ELAPOR2: variants seen among roughly 807,000 people sequenced by gnomAD.
The protein encoded by ELAPOR2 is endosome/lysosome-associated apoptosis and autophagy regulator family member 2.
Under a neutral mutation model 120.7 loss-of-function variants are expected in ELAPOR2, and 89 were observed. The ratio of observed to expected loss-of-function variants is 0.74; its 90% CI spans 0.62 to 0.88. ELAPOR2 has a LOEUF of 0.88. Among genes scored for constraint, ELAPOR2 ranks in the 40% least tolerant of loss-of-function variants. The pLI is 0.00. For synonymous variants in ELAPOR2, 444 were observed against 444.9 expected (o/e 1.00, Z 0.03); for missense variants, 1,134 against 1,251.6 (o/e 0.91, Z 1.42).
intron 1 of ELAPOR2, among the ~76,000 whole-genome samples, chr7:86,981,101 T>C (rs1292680618): frequency 1.3e-5 from 2 of 152,162 alleles, no homozygotes; most frequent in African/African-American, 4.8e-5. Context: ...CAGAACACCA[T>C]TTCCTCCACT....
chr7:86,940,765 T>C (rs925069172), intron 5 of ELAPOR2, among the ~76,000 whole-genome samples: 1 of 152,054 alleles, frequency 6.6e-6, no homozygotes, highest in Non-Finnish European at 1.5e-5. Flanking sequence ...CTTGCTTTCT[T>C]ATTTACCCCC....
At chr7:86,993,232 C>G (rs1331779446) in intron 1 of ELAPOR2, among the ~76,000 whole-genome samples, 1 of 50,034 alleles carries the variant, frequency 2.0e-5, no homozygotes, top group African/African-American at 1.6e-4. Flanking sequence ...GAGACTCCAT[C>G]TCAAAAAAAA....
intron 18 of ELAPOR2, among the ~76,000 whole-genome samples, chr7:86,905,312 C>A (rs1788959607): frequency 1.4e-5 from 2 of 148,052 alleles, no homozygotes; most frequent in African/African-American, 2.5e-5. Flanking sequence ...ATTTATTCAA[C>A]CTCACTGCTA....
rs1292876108 is a variant in ELAPOR2 at position 86,877,289 on chromosome 7, AT to A, written c.*3181del. ...GCCAGTTAGTATGAAGATGAATTCCATTTTAGCTTCCAACGAATGAGTCGGG... is the reference window on the plus strand; with the variant it reads ...GCCAGTTAGTATGAAGATGAATTCCATTTAGCTTCCAACGAATGAGTCGGG... On this transcript the variant is annotated 3_prime_UTR_variant, in exon 22 of 22. Coordinates refer to ENST00000450689, the MANE Select transcript of ELAPOR2 (RefSeq NM_001142749.3). The A allele has an allele frequency of 1.3e-5, 2 of 152,208 alleles. No individual in the cohort carries two copies. Among genetic ancestry groups the A allele is most frequent in the Non-Finnish European group, 2.9e-5 (2 of 68,050 alleles). The allele number at this position is 152,208 out of a possible 1,614,324, so 9.4% of individuals were successfully genotyped here.
intron 8 of ELAPOR2, among the ~76,000 whole-genome samples, chr7:86,928,873 T>C (rs1050657773): frequency 3.3e-5 from 5 of 151,984 alleles, no homozygotes; most frequent in African/African-American, 1.2e-4. Context: ...ACATGGCAGA[T>C]TGATTCTGTG....
chr7:87,030,646 A>G (rs895009270), intron 1 of ELAPOR2, among the ~76,000 whole-genome samples: 3 of 152,194 alleles, frequency 2.0e-5, no homozygotes, highest in Non-Finnish European at 4.4e-5. Context: ...GTAAACCCTT[A>G]TAACAAGTAG....
At chr7:86,957,232 T>C (rs1211082656) in intron 2 of ELAPOR2, among the ~76,000 whole-genome samples, 1 of 152,250 alleles carries the variant, frequency 6.6e-6, no homozygotes, top group Non-Finnish European at 1.5e-5. Context: ...TGTAGCAACA[T>C]TCCAAACTAA....
intron 1 of ELAPOR2, among the ~76,000 whole-genome samples, chr7:86,965,304 C>T (rs1359840894): frequency 6.6e-6 from 1 of 152,172 alleles, no homozygotes; most frequent in Non-Finnish European, 1.5e-5. Flanking sequence ...CAGCACACTT[C>T]CCTATCTCTT....
chr7:86,970,935 T>C (rs1792087310), intron 1 of ELAPOR2, among the ~76,000 whole-genome samples: 1 of 152,202 alleles, frequency 6.6e-6, no homozygotes, highest in Non-Finnish European at 1.5e-5. Context: ...TTTATGTTTA[T>C]TGAGTACCTC....
At chr7:87,014,120 A>G (rs189564211) in intron 1 of ELAPOR2, among the ~76,000 whole-genome samples, 1 of 151,300 alleles carries the variant, frequency 6.6e-6, no homozygotes, top group Admixed American at 6.6e-5. Flanking sequence ...TGTTCCTTAC[A>G]GAGAAAATAC....
Position 86,908,494 on chromosome 7 carries a change from C to T in ELAPOR2, c.2409G>A (p.Met803Ile), listed in dbSNP as rs376806833. 1.3e-6 allele frequency: 2 copies of T among 1,585,790 alleles called. No individual in the cohort carries two copies. The highest frequency in any genetic ancestry group is 8.6e-7 in the Non-Finnish European group (1 of 1,165,574). The change falls in exon 17 of 22, where the codon ATG becomes ATA. Residue 803 changes from methionine to isoleucine, a missense_variant. Around this residue, in one of 3 missense-constraint regions of ELAPOR2, gnomAD observed 831 missense variants for 867.6 expected, o/e 0.96. Transcript: ENST00000450689. ...GTATTTGGCTTGTTGGAACTGGGAA[C>T]ATATCTTCTTTTATATTAATATTTT... is the stretch of plus-strand genomic sequence containing the variant. ...TLKNINIKEDMFPVPTSQIPD... is the reference protein window; with the variant it reads ...TLKNINIKEDIFPVPTSQIPD...
intron 1 of ELAPOR2, among the ~76,000 whole-genome samples, chr7:87,015,192 G>T (rs7784907): frequency 6.6e-6 from 1 of 152,070 alleles, no homozygotes; most frequent in African/African-American, 2.4e-5. Flanking sequence ...TATTCAAAAA[G>T]TGCCTTTTAA....
intron 1 of ELAPOR2, among the ~76,000 whole-genome samples, chr7:86,999,078 T>C (rs1793223630): frequency 6.6e-6 from 1 of 152,054 alleles, no homozygotes; most frequent in African/African-American, 2.4e-5. Flanking sequence ...TTTCAGGTGT[T>C]ATACATATTT....
chr7:86,895,981 A>G (rs1788418702), intron 19 of ELAPOR2, among the ~76,000 whole-genome samples: 1 of 152,080 alleles, frequency 6.6e-6, no homozygotes, highest in Non-Finnish European at 1.5e-5. Context: ...TGGAATTTTT[A>G]TCCTTGACCT....
chr7:86,945,314 G>C (rs1322370815), intron 3 of ELAPOR2, among the ~76,000 whole-genome samples: 2 of 152,154 alleles, frequency 1.3e-5, no homozygotes, highest in Non-Finnish European at 2.9e-5. Flanking sequence ...CCAAATAGAT[G>C]ATAACTAATT....
chr7:86,896,248 A>G (rs867265649), intron 19 of ELAPOR2, among the ~76,000 whole-genome samples: 1 of 152,066 alleles, frequency 6.6e-6, no homozygotes, highest in Non-Finnish European at 1.5e-5. Context: ...CTTGCTCCTT[A>G]AAACTTTATC....
At chr7:86,892,486 A>T (rs186949349) in intron 20 of ELAPOR2, among the ~76,000 whole-genome samples, 19 of 152,224 alleles carry the variant, frequency 1.2e-4, no homozygotes, top group Non-Finnish European at 2.6e-4. Context: ...TGGAGTAAAT[A>T]AATGTGATAT....
At chr7:87,033,709 C>G (rs1794489957) in intron 1 of ELAPOR2, among the ~76,000 whole-genome samples, 1 of 151,770 alleles carries the variant, frequency 6.6e-6, no homozygotes, top group Non-Finnish European at 1.5e-5. Flanking sequence ...TAAGTGAGAA[C>G]AGCTGAGAAT....
chr7:86,916,982 T>C (rs2116140869), intron 12 of ELAPOR2, among the ~76,000 whole-genome samples: 1 of 147,888 alleles, frequency 6.8e-6, no homozygotes, highest in South Asian at 2.2e-4. Context: ...TTTTTTTTTT[T>C]TTGGGTAGAG....
Sources: gnomAD v4.1 joint callset for allele counts (sites outside exome capture counted in the v4.1 genomes callset) on GRCh38, gnomAD v4.1.1 for gene constraint, gnomAD v4.1.1 regional missense constraint, MANE v1.5 for transcripts, NCBI Gene and HGNC (gene_info 2026-07-23, HGNC 2026-07-21) for gene names.